Variants in NTRK2 observed in about 807,000 individuals in gnomAD.
The protein encoded by NTRK2 is BDNF/NT-3 growth factors receptor.
Under a neutral mutation model 94.5 loss-of-function variants are expected in NTRK2, and 13 were observed. That is an observed-to-expected ratio of 0.14 (90% CI 0.09 to 0.22). The LOEUF is 0.22. NTRK2 is among the 10% of genes least tolerant of loss of function. NTRK2 has a pLI of 1.00. For synonymous variants in NTRK2, 372 were observed against 407.4 expected, an observed-to-expected ratio of 0.91 and a Z score of 1.05; for missense variants, 639 against 1,071.2, an observed-to-expected ratio of 0.60 and a Z score of 5.63.
chr9:84,953,976 C>T (rs543469279), intron 16 of NTRK2, among the ~76,000 whole-genome samples: 1 of 152,270 alleles, frequency 6.6e-6, no homozygotes, highest in East Asian at 1.9e-4. Context: ...AGTGGGGATA[C>T]GCCTGTGGCT....
intron 2 of NTRK2, among the ~76,000 whole-genome samples, chr9:84,692,051 A>T (rs1281611849): frequency 2.0e-5 from 3 of 152,140 alleles, no homozygotes; most frequent in African/African-American, 7.2e-5. Flanking sequence ...TTTTTTGGAG[A>T]GTAGTTCAGT....
chr9:84,709,077 C>T (rs886182042), intron 5 of NTRK2, among the ~76,000 whole-genome samples: 5 of 152,112 alleles, frequency 3.3e-5, no homozygotes, highest in African/African-American at 1.2e-4. Flanking sequence ...AATTGTGTAC[C>T]TATTACAAAT....
intron 17 of NTRK2, among the ~76,000 whole-genome samples, chr9:84,989,704 G>A (rs932391338): frequency 3.3e-5 from 5 of 152,172 alleles, no homozygotes; most frequent in Non-Finnish European, 7.3e-5. Flanking sequence ...AGCAGAACCA[G>A]GCTATAAGCC....
At chr9:84,894,275 C>T (rs2076692243) in intron 14 of NTRK2, among the ~76,000 whole-genome samples, 1 of 152,170 alleles carries the variant, frequency 6.6e-6, no homozygotes, top group African/African-American at 2.4e-5. Flanking sequence ...TTCTCTTTTG[C>T]ATCTCACACG....
At chr9:84,833,809 T>C (rs1002547190) in intron 12 of NTRK2, among the ~76,000 whole-genome samples, 1 of 152,190 alleles carries the variant, frequency 6.6e-6, no homozygotes, top group Non-Finnish European at 1.5e-5. Context: ...CTTTATTTCT[T>C]ACCTGGAGCA....
intron 12 of NTRK2, among the ~76,000 whole-genome samples, chr9:84,798,463 G>A (rs1434880761): frequency 6.6e-6 from 1 of 152,202 alleles, no homozygotes; most frequent in African/African-American, 2.4e-5. Context: ...TTTCATTCTA[G>A]CACTGAGTCT....
At chr9:84,751,073 A>G (rs547596049) in intron 11 of NTRK2, among the ~76,000 whole-genome samples, 24 of 152,258 alleles carry the variant, frequency 1.6e-4, no homozygotes, top group African/African-American at 5.5e-4. Context: ...ACATATCATA[A>G]ATTTACAACC....
chr9:84,955,749 C>A, intron 17 of NTRK2: 1 of 628,642 alleles, frequency 1.6e-6, no homozygotes. Context: ...CTCACTATGC[C>A]CTCACATTGG....
chr9:84,697,845 G>A (rs574005047), intron 2 of NTRK2, among the ~76,000 whole-genome samples: 1 of 152,314 alleles, frequency 6.6e-6, no homozygotes, highest in East Asian at 1.9e-4. Flanking sequence ...TGTCCACTGA[G>A]TCACTGAGAA....
At chr9:84,773,763 T>C (rs2066777668) in intron 12 of NTRK2, among the ~76,000 whole-genome samples, 1 of 152,194 alleles carries the variant, frequency 6.6e-6, no homozygotes, top group Admixed American at 6.6e-5. Context: ...AATAAAAGCA[T>C]CTTTTTTTTC....
intron 12 of NTRK2, among the ~76,000 whole-genome samples, chr9:84,801,648 A>G (rs919081473): frequency 6.6e-6 from 1 of 152,196 alleles, no homozygotes; most frequent in Non-Finnish European, 1.5e-5. Context: ...GAGCAGTTTT[A>G]AGGCAGGCCA....
intron 11 of NTRK2, among the ~76,000 whole-genome samples, chr9:84,747,769 C>T (rs773782514): frequency 9.3e-4 from 142 of 152,250 alleles, no homozygotes; most frequent in Non-Finnish European, 1.8e-3. Flanking sequence ...GCATGAGCCA[C>T]CGCACCTGGC....
intron 15 of NTRK2, among the ~76,000 whole-genome samples, chr9:84,939,051 CAAAAAAAA>C (rs138558531): frequency 4.4e-5 from 3 of 68,414 alleles, no homozygotes; most frequent in Admixed American, 2.1e-4. Flanking sequence ...GACCCCAACT[CAAAAAAAA>C]AAAAAAAAAA....
intron 9 of NTRK2, among the ~76,000 whole-genome samples, chr9:84,730,772 TAAACAAATAGCAAAAAA>T (rs2062813155): frequency 9.3e-5 from 1 of 10,768 alleles, no homozygotes; most frequent in Non-Finnish European, 1.5e-4. Flanking sequence ...TAAAGAAAAA[TAAACAAATAGCAAAAAA>T]AAAAAAAAAA....
chr9:85,011,289 C>A (rs1227177022), intron 17 of NTRK2, among the ~76,000 whole-genome samples: 1 of 152,108 alleles, frequency 6.6e-6, no homozygotes, highest in East Asian at 1.9e-4. Flanking sequence ...AATTGCCCAC[C>A]TCCTAGTATT....
At chr9:84,842,146 A>C (rs2074223244) in intron 12 of NTRK2, among the ~76,000 whole-genome samples, 1 of 152,034 alleles carries the variant, frequency 6.6e-6, no homozygotes, top group Non-Finnish European at 1.5e-5. Context: ...ATACCATTAC[A>C]TTTCTTCTGC....
chr9:84,889,649 A>G (rs908967153), intron 14 of NTRK2, among the ~76,000 whole-genome samples: 9 of 152,096 alleles, frequency 5.9e-5, no homozygotes, highest in Admixed American at 4.6e-4. Flanking sequence ...CTGGCCTCAA[A>G]TGGTCAGCCA....
Position 84,948,624 on chromosome 9 carries a change from A to G in NTRK2, c.1927A>G (p.Lys643Glu), listed in dbSNP as rs754776571. The G allele has an allele frequency of 6.2e-7, 1 of 1,614,098 alleles. No individual in the cohort carries two copies. The highest frequency in any genetic ancestry group is 8.5e-7 in the Non-Finnish European group (1 of 1,180,010). ...GTACATGAAGCATGGGGACCTCAACAAGTTCCTCAGGTACAGTGAGGCGGG... is the reference window on the plus strand; with the variant it reads ...GTACATGAAGCATGGGGACCTCAACGAGTTCCTCAGGTACAGTGAGGCGGG... ...FEYMKHGDLN[K>E]FLRAHGPDAV... The change falls in exon 16 of 19, where the codon AAG (lysine) becomes GAG (glutamate). Residue 643 changes from lysine (K) to glutamate (E), a missense_variant. Lys to Glu is a moderately conservative substitution (Grantham distance 56, BLOSUM62 1). Around this residue, in one of 5 missense-constraint regions of NTRK2, gnomAD observed 343 missense variants for 571.5 expected, o/e 0.60. Transcript: ENST00000277120.
At chr9:84,828,361 AT>A (rs1168671968) in intron 12 of NTRK2, among the ~76,000 whole-genome samples, 1 of 152,156 alleles carries the variant, frequency 6.6e-6, no homozygotes, top group African/African-American at 2.4e-5. Flanking sequence ...GAAGCTGAAA[AT>A]TTATCTTTTA....
Sources: gnomAD v4.1 joint callset for allele counts (sites outside exome capture counted in the v4.1 genomes callset) on GRCh38, gnomAD v4.1.1 for gene constraint, gnomAD v4.1.1 regional missense constraint, MANE v1.5 for transcripts, NCBI Gene and HGNC (gene_info 2026-07-23, HGNC 2026-07-21) for gene names.